The following LPP variants were observed in gnomAD, a reference collection of about 807,000 sequenced individuals.
The protein encoded by LPP is lipoma-preferred partner.
A neutral mutation model predicts 60.4 loss-of-function variants in LPP; 38 were observed. That is an observed-to-expected ratio of 0.63 (90% CI 0.49 to 0.83). The LOEUF (loss-of-function observed/expected upper bound fraction) is 0.83, where lower values mean the gene tolerates loss of function less well. Ranked by LOEUF, LPP falls within the 40% of genes least tolerant of loss-of-function variation. The pLI is 0.00. For synonymous variants in LPP, 328 were observed against 290.8 expected (o/e 1.13, Z -1.30); for missense variants, 902 against 783.6 (o/e 1.15, Z -1.80).
At chr3:188,337,797 G>T (rs977453773) in intron 2 of LPP, among the ~76,000 whole-genome samples, 1 of 152,110 alleles carries the variant, frequency 6.6e-6, no homozygotes, top group Non-Finnish European at 1.5e-5. Flanking sequence ...ATCGTGCCTG[G>T]CCCAGTTATT....
chr3:188,803,355 T>C (rs1038287857), intron 9 of LPP, among the ~76,000 whole-genome samples: 5 of 152,162 alleles, frequency 3.3e-5, no homozygotes, highest in Non-Finnish European at 1.5e-5. Context: ...TTTTATGCAG[T>C]TTTCTTTTGT....
At chr3:188,651,940 A>G (rs1268197243) in intron 7 of LPP, among the ~76,000 whole-genome samples, 2 of 151,938 alleles carry the variant, frequency 1.3e-5, no homozygotes, top group Non-Finnish European at 2.9e-5. Context: ...CATTATCTCC[A>G]TTTTATTAGT....
rs777771348 is a variant in LPP, at chr3:188,623,517, CA to C, written c.1113+13676del. Among the ~76,000 whole-genome samples the C allele has an allele frequency of 2.5e-4, 38 of 152,250 alleles. 1 individual carries two copies. Among genetic ancestry groups the C allele is most frequent in the Non-Finnish European group, 4.9e-4 (33 of 68,022 alleles). ...AAGTGGCCCACCCGCCTTGGCCCCCCAAAGTCCTGGGATTACAGGCATGAGC... is the reference window on the plus strand; with the variant it reads ...AAGTGGCCCACCCGCCTTGGCCCCCCAAGTCCTGGGATTACAGGCATGAGC... On this transcript the variant is annotated intron_variant, in intron 7 of 11. Transcript: ENST00000617246.
chr3:188,843,106 C>T (rs1178398539), intron 9 of LPP, among the ~76,000 whole-genome samples: 1 of 152,044 alleles, frequency 6.6e-6, no homozygotes, highest in African/African-American at 2.4e-5. Flanking sequence ...ATTAATTTAC[C>T]CATTTTTCTT....
intron 7 of LPP, among the ~76,000 whole-genome samples, chr3:188,694,042 A>G (rs1159124819): frequency 6.6e-6 from 1 of 152,186 alleles, no homozygotes; most frequent in Non-Finnish European, 1.5e-5. Flanking sequence ...AATGGTCTCC[A>G]GTGTCTTTTC....
rs1768976831 is a variant in LPP at position 188,874,336 on chromosome 3, T to C, written c.1711-15T>C. ...TTTTTACTTATGTCGTTTCCATCTG[T>C]CTTTACTGTTCTAGGATTGCGGTGG... On this transcript the variant is annotated splice_polypyrimidine_tract_variant and intron_variant, in intron 11 of 11. Transcript: ENST00000617246. The C allele has an allele frequency of 3.1e-6, 5 of 1,608,088 alleles. No individual in the cohort carries two copies. In the Admixed American group the frequency reaches 8.4e-5, roughly 27 times the overall value.
chr3:188,613,338 A>C (rs1844228125), intron 7 of LPP, among the ~76,000 whole-genome samples: 1 of 146,126 alleles, frequency 6.8e-6, no homozygotes, highest in Non-Finnish European at 1.5e-5. Flanking sequence ...GTTGGGAGCC[A>C]CGTTTTCTCC....
chr3:188,583,051 C>T (rs1427404660), intron 6 of LPP, among the ~76,000 whole-genome samples: 1 of 152,174 alleles, frequency 6.6e-6, no homozygotes, highest in Non-Finnish European at 1.5e-5. Flanking sequence ...TATTACTTTC[C>T]TGTCTAATAT....
intron 6 of LPP, among the ~76,000 whole-genome samples, chr3:188,564,862 C>T (rs1831731905): frequency 6.6e-6 from 1 of 151,904 alleles, no homozygotes; most frequent in Non-Finnish European, 1.5e-5. Context: ...CTTCTGTTTT[C>T]TGTGGCAGCT....
intron 2 of LPP, among the ~76,000 whole-genome samples, chr3:188,250,254 G>T (rs1223749509): frequency 2.6e-5 from 4 of 151,994 alleles, no homozygotes; most frequent in Non-Finnish European, 1.5e-5. Flanking sequence ...TGACACTTTT[G>T]TTCTCCCCCT....
At chr3:188,656,211 A>C (rs1853171340) in intron 7 of LPP, among the ~76,000 whole-genome samples, 2 of 151,848 alleles carry the variant, frequency 1.3e-5, no homozygotes, top group South Asian at 2.1e-4. Flanking sequence ...AAAAAAAAAA[A>C]AAAAAACACT....
intron 9 of LPP, among the ~76,000 whole-genome samples, chr3:188,785,967 G>A (rs1385368086): frequency 6.6e-6 from 1 of 152,030 alleles, no homozygotes; most frequent in African/African-American, 2.4e-5. Flanking sequence ...ATGCTGACAT[G>A]TCTCAAATAG....
At chr3:188,551,294 T>C (rs77102672) in intron 6 of LPP, among the ~76,000 whole-genome samples, 5,997 of 152,208 alleles carry the variant, frequency 0.039, 218 homozygotes, top group African/African-American at 0.093. Flanking sequence ...ATAAGACTTA[T>C]TGACTACCAC....
Position 188,534,373 on chromosome 3 carries a change from C to T in LPP, c.429+9586C>T, listed in dbSNP as rs149797814. Reference sequence around the variant, plus strand: ...ACGAACAAAGCTGCCTGTTGAGTTTCTCTATTTTACAACAGTATCTCAGTG... The same window carrying T: ...ACGAACAAAGCTGCCTGTTGAGTTTTTCTATTTTACAACAGTATCTCAGTG... On this transcript the variant is annotated intron_variant, in intron 6 of 11. Coordinates refer to ENST00000617246, the MANE Select transcript of LPP (RefSeq NM_001375462.1). Among the ~76,000 whole-genome samples the T allele has an allele frequency of 2.5e-3, 376 of 152,338 alleles. 4 individuals are homozygous for T. The highest frequency in any genetic ancestry group is 8.7e-3 in the African/African-American group (361 of 41,584).
chr3:188,354,975 G>A (rs1393277413), intron 3 of LPP, among the ~76,000 whole-genome samples: 2 of 152,116 alleles, frequency 1.3e-5, no homozygotes, highest in African/African-American at 4.8e-5. Context: ...CCTGAAGACA[G>A]AAGAGACATA....
chr3:188,336,475 G>T (rs2150580613), intron 2 of LPP, among the ~76,000 whole-genome samples: 1 of 152,306 alleles, frequency 6.6e-6, no homozygotes, highest in Admixed American at 6.5e-5. Context: ...GGCAACATGA[G>T]CCAGTAGGGT....
intron 4 of LPP, among the ~76,000 whole-genome samples, chr3:188,437,530 A>G (rs1792637241): frequency 6.6e-6 from 1 of 152,248 alleles, no homozygotes. Flanking sequence ...CTGTCTCTCT[A>G]ACACATCAAC....
chr3:188,487,518 A>T (rs1237928289), intron 5 of LPP, among the ~76,000 whole-genome samples: 1 of 152,218 alleles, frequency 6.6e-6, no homozygotes, highest in Non-Finnish European at 1.5e-5. Context: ...GGAGGAGGAT[A>T]AAAAATAAAA....
intron 8 of LPP, chr3:188,725,501 A>G (rs1318694143): frequency 1.3e-5 from 2 of 152,244 alleles, no homozygotes; most frequent in Admixed American, 6.5e-5. Flanking sequence ...CACAGCATGT[A>G]TAGGTAAGAC....
Sources: gnomAD v4.1 joint callset for allele counts (sites outside exome capture counted in the v4.1 genomes callset) on GRCh38, gnomAD v4.1.1 for gene constraint, MANE v1.5 for transcripts, NCBI Gene and HGNC (gene_info 2026-07-23, HGNC 2026-07-21) for gene names.